Variants in AGBL4 observed in about 807,000 individuals in gnomAD.
AGBL4 encodes the protein AGBL carboxypeptidase 4.
AGBL4 carries 58 observed loss-of-function variants against 66.4 expected under a neutral mutation model. The observed-to-expected ratio is 0.87, with a 90% CI of 0.71 to 1.09. The LOEUF is 1.09. Among genes scored for constraint, AGBL4 ranks in the 50% least tolerant of loss-of-function variants. The probability of loss-of-function intolerance (pLI) is 0.00; values close to 1 mark genes in which losing one functional copy is unlikely to be tolerated. For missense variants in AGBL4, 579 were observed against 631.0 expected, an observed-to-expected ratio of 0.92 and a Z score of 0.88; for synonymous variants, 234 against 222.9, an observed-to-expected ratio of 1.05 and a Z score of -0.44.
intron 5 of AGBL4, among the ~76,000 whole-genome samples, chr1:48,956,245 T>A (rs912710588): frequency 6.6e-6 from 1 of 152,224 alleles, no homozygotes; most frequent in Non-Finnish European, 1.5e-5. Flanking sequence ...CTCAGTGGCA[T>A]CTGTCCAGTA....
chr1:49,918,612 A>C (rs1468269390), intron 1 of AGBL4, among the ~76,000 whole-genome samples: 1 of 152,206 alleles, frequency 6.6e-6, no homozygotes, highest in Non-Finnish European at 1.5e-5. Flanking sequence ...CCAACCAAAA[A>C]AAGTCCAGGA....
chr1:49,977,512 G>T (rs1209343652), intron 1 of AGBL4, among the ~76,000 whole-genome samples: 2 of 152,254 alleles, frequency 1.3e-5, no homozygotes, highest in Non-Finnish European at 2.9e-5. Context: ...TGAAGGACCA[G>T]ACGGTATGTG....
At chr1:48,610,567 G>A (rs1645222267) in intron 9 of AGBL4, among the ~76,000 whole-genome samples, 1 of 152,162 alleles carries the variant, frequency 6.6e-6, no homozygotes, top group African/African-American at 2.4e-5. Context: ...TTAAATAAAT[G>A]TTGTTAAGGG....
rs1327737271 is a variant in AGBL4 at position 48,666,497 on chromosome 1, G to A, written c.635-3256C>T. On this transcript the variant is annotated intron_variant, in intron 6 of 13. Transcript: ENST00000371839. ...TTAAACAGCAGGTGTTTGAAGTAAC[G>A]TGCTTTGTGTGGCATCCTTAGCATG... 2.6e-5 allele frequency among the ~76,000 whole-genome samples: 4 copies of A among 152,188 alleles called. No individual in the cohort carries two copies. In the East Asian group the frequency reaches 5.8e-4, roughly 22 times the overall value.
intron 4 of AGBL4, among the ~76,000 whole-genome samples, chr1:49,134,780 C>G (rs1569765260): frequency 2.0e-5 from 3 of 151,926 alleles, no homozygotes; most frequent in African/African-American, 7.3e-5. Flanking sequence ...TGACATACAT[C>G]CTCAGCTTAC....
chr1:49,237,508 T>C (rs1650855983), intron 4 of AGBL4, among the ~76,000 whole-genome samples: 2 of 83,908 alleles, frequency 2.4e-5, no homozygotes, highest in African/African-American at 4.5e-5. Context: ...TCCTCAATAT[T>C]ACATTATATA....
At chr1:49,028,569 G>A (rs1663928200) in intron 5 of AGBL4, among the ~76,000 whole-genome samples, 1 of 152,070 alleles carries the variant, frequency 6.6e-6, no homozygotes, top group African/African-American at 2.4e-5. Context: ...ATTGAAACCA[G>A]CAAGAGAAAA....
At chr1:48,566,101 G>A (rs1407125123) in intron 11 of AGBL4, among the ~76,000 whole-genome samples, 3 of 152,070 alleles carry the variant, frequency 2.0e-5, no homozygotes, top group Non-Finnish European at 4.4e-5. Flanking sequence ...TGTTGCCTAC[G>A]ATCTAAAACT....
chr1:49,189,107 G>T (rs760955462), intron 4 of AGBL4, among the ~76,000 whole-genome samples: 2 of 152,160 alleles, frequency 1.3e-5, no homozygotes, highest in Admixed American at 6.6e-5. Flanking sequence ...TTACCACACA[G>T]CCAGTGAGCA....
At chr1:49,983,867 G>A (rs1659286392) in intron 1 of AGBL4, among the ~76,000 whole-genome samples, 1 of 152,136 alleles carries the variant, frequency 6.6e-6, no homozygotes, top group South Asian at 2.1e-4. Context: ...GGCTCCCTGT[G>A]GCCCAGGAGA....
chr1:48,852,740 A>G (rs1647060936), intron 6 of AGBL4, among the ~76,000 whole-genome samples: 1 of 152,222 alleles, frequency 6.6e-6, no homozygotes, highest in Admixed American at 6.5e-5. Flanking sequence ...ATGTAGCTAG[A>G]TTATTCTTAA....
At chr1:48,992,452 C>T (rs1249593313) in intron 5 of AGBL4, among the ~76,000 whole-genome samples, 4 of 152,080 alleles carry the variant, frequency 2.6e-5, no homozygotes, top group African/African-American at 4.8e-5. Context: ...AGCACTGCGT[C>T]TTGCCCAAGG....
At chr1:49,326,912 T>C (rs1645238830) in intron 3 of AGBL4, among the ~76,000 whole-genome samples, 1 of 152,214 alleles carries the variant, frequency 6.6e-6, no homozygotes, top group South Asian at 2.1e-4. Context: ...TTGACATTAT[T>C]ACATTGCTTC....
chr1:49,748,642 T>C (rs1651193962), intron 2 of AGBL4, among the ~76,000 whole-genome samples: 2 of 152,258 alleles, frequency 1.3e-5, no homozygotes, highest in African/African-American at 4.8e-5. Context: ...AAAGCATTCC[T>C]ACTTCTCCAC....
At chr1:49,243,575 T>C (rs1557761079) in intron 4 of AGBL4, among the ~76,000 whole-genome samples, 1 of 151,968 alleles carries the variant, frequency 6.6e-6, no homozygotes, top group East Asian at 1.9e-4. Context: ...TTGTAGAGAT[T>C]AGTTAATAAA....
intron 2 of AGBL4, among the ~76,000 whole-genome samples, chr1:49,831,802 G>C (rs1645688395): frequency 6.6e-6 from 1 of 152,060 alleles, no homozygotes. Context: ...CTGGTTTATT[G>C]AGAGTTTTTA....
chr1:49,362,032 C>T (rs1392402100), intron 3 of AGBL4, among the ~76,000 whole-genome samples: 1 of 152,060 alleles, frequency 6.6e-6, no homozygotes, highest in African/African-American at 2.4e-5. Flanking sequence ...TAGATGCCAC[C>T]TTCCTTCCAC....
chr1:49,453,771 C>T (rs1646329760), intron 3 of AGBL4, among the ~76,000 whole-genome samples: 1 of 151,698 alleles, frequency 6.6e-6, no homozygotes, highest in African/African-American at 2.4e-5. Flanking sequence ...GAATATTAAA[C>T]TCAGAGCCGT....
chr1:48,880,733 C>T (rs1444658055), intron 5 of AGBL4, among the ~76,000 whole-genome samples: 1 of 152,106 alleles, frequency 6.6e-6, no homozygotes, highest in Admixed American at 6.5e-5. Context: ...AACAGCTAGT[C>T]TCACTTTTTT....
Sources: gnomAD v4.1 joint callset for allele counts (sites outside exome capture counted in the v4.1 genomes callset) on GRCh38, gnomAD v4.1.1 for gene constraint, MANE v1.5 for transcripts, NCBI Gene and HGNC (gene_info 2026-07-23, HGNC 2026-07-21) for gene names.